Variants in PPT1 observed in about 807,000 individuals in gnomAD.
PPT1 encodes ceroid-palmitoyl-palmitoyl-protein thioesterase 1.
Under a neutral mutation model 44.0 loss-of-function variants are expected in PPT1, and 24 were observed. That is an observed-to-expected ratio of 0.54 (90% confidence interval 0.39 to 0.77). The LOEUF (loss-of-function observed/expected upper bound fraction) is 0.77, where lower values mean the gene tolerates loss of function less well. Among genes scored for constraint, PPT1 ranks in the 30% least tolerant of loss-of-function variants. The pLI is 0.00. For synonymous variants in PPT1, 148 were observed against 140.2 expected (o/e 1.06, Z -0.39); for missense variants, 341 against 378.8 (o/e 0.90, Z 0.83).
Position 40,073,029 on chromosome 1 carries a change from T to C in PPT1, c.*1032A>G, listed in dbSNP as rs2124463646. The C allele has an allele frequency of 6.6e-6, 1 of 152,390 alleles. No homozygotes were observed. Among genetic ancestry groups the C allele is most frequent in the South Asian group, 2.1e-4 (1 of 4,830 alleles). 9.4% of individuals were successfully genotyped at this position (152,390 alleles called of 1,614,324 possible). On this transcript the variant is annotated 3_prime_UTR_variant, in exon 9 of 9. Transcript: ENST00000642050. ...GTTTTGTTTACTGTAACAGGAATTC[T>C]CAGGAGTCCTTAGACACTCTAATGT... is the stretch of plus-strand genomic sequence containing the variant.
At chr1:40,072,286 A>T (rs1327560295), downstream of PPT1, 4 of 383,516 alleles carry the variant, frequency 1.0e-5, no homozygotes, top group Non-Finnish European at 1.8e-5. Context: ...CATGATTTCA[A>T]GGAGTCTGGC....
intron 1 of PPT1, 32 bp downstream of exon 1, chr1:40,097,083 G>A (rs1187228049): frequency 6.2e-7 from 1 of 1,613,776 alleles, no homozygotes; most frequent in East Asian, 2.2e-5. Context: ...AGAGAGAATC[G>A]CCAAACCCTT....
chr1:40,084,512 A>G (rs1649151862), intron 5 of PPT1, among the ~76,000 whole-genome samples: 1 of 152,246 alleles, frequency 6.6e-6, no homozygotes, highest in South Asian at 2.1e-4. Context: ...TGAAAGGAAG[A>G]GTCAACTGAT....
intron 3 of PPT1, 85 bp downstream of exon 3, chr1:40,091,960 T>C (rs1649587424): frequency 6.5e-7 from 1 of 1,531,830 alleles, no homozygotes; most frequent in African/African-American, 1.4e-5. Flanking sequence ...GTGACAATCT[T>C]GAATTGGAGG....
rs386833661 is a variant in PPT1 at position 40,078,621 on chromosome 1, A to G, written c.665T>C (p.Leu222Pro). The change falls in exon 7 of 9, where the codon CTG becomes CCG. Residue 222 changes from leucine (L) to proline (P), a missense_variant. By Grantham distance (98) the Leu-to-Pro change is moderately conservative. Transcript: ENST00000642050. ...GAATTTCACCATCACAAACTTCTTC[A>G]GGGCCATCAGGTTTTTCTTGTAGGA... ...NESYKKNLMA[L>P]KKFVMVKFLN... 3.7e-6 allele frequency: 6 copies of G among 1,613,842 alleles called. No homozygotes were observed. Among genetic ancestry groups the G allele is most frequent in the Non-Finnish European group, 5.1e-6 (6 of 1,179,878 alleles).
chr1:40,095,723 C>G (rs1158320872), intron 1 of PPT1, among the ~76,000 whole-genome samples: 1 of 152,204 alleles, frequency 6.6e-6, no homozygotes, highest in Non-Finnish European at 1.5e-5. Context: ...AACACCTCTA[C>G]TGTTACTCTA....
Position 40,091,398 on chromosome 1 carries a change from T to A in PPT1, c.364A>T (p.Arg122Trp), listed in dbSNP as rs137852695. The A allele has an allele frequency of 3.3e-4, 527 of 1,613,098 alleles. No individual in the cohort carries two copies. The highest frequency in any genetic ancestry group is 4.5e-5 in the Non-Finnish European group (53 of 1,179,290). ...GAAGGGCATCTCTGAGCCACTGCCC[T>A]CCTACGGAATAAAAGGGAGTTTTAG... ...MGFSQGGQFL[R>W]AVAQRCPSPP... Residue 122 changes from arginine to tryptophan, a missense_variant and splice_region_variant, in exon 4 of 9, where the codon AGG becomes TGG. Arg to Trp is a moderately radical substitution (Grantham distance 101). Transcript: ENST00000642050.
chr1:40,094,467 G>C (rs898396443), intron 1 of PPT1, among the ~76,000 whole-genome samples: 15 of 152,172 alleles, frequency 9.9e-5, no homozygotes, highest in African/African-American at 3.4e-4. Flanking sequence ...ACAGACCCAG[G>C]GAGTTTGGGA....
At chr1:40,094,159 G>A (rs7533203) in intron 1 of PPT1, 31,560 of 561,610 alleles carry the variant, frequency 0.056, 1,084 homozygotes, top group Non-Finnish European at 0.071. Context: ...TTCTCTTCAG[G>A]GCCAGGACTA....
chr1:40,071,595 G>C, downstream of PPT1: 2 of 1,084,112 alleles, frequency 1.8e-6, no homozygotes, highest in South Asian at 2.6e-5. Flanking sequence ...GTATCAAGAC[G>C]GTTCTTTTCT....
intron 8 of PPT1, among the ~76,000 whole-genome samples, chr1:40,074,509 T>C (rs866648461): frequency 6.7e-5 from 10 of 149,320 alleles, no homozygotes; most frequent in Non-Finnish European, 1.3e-4. Flanking sequence ...GCTCGGTTGC[T>C]TAGGCTGGAG....
chr1:40,084,839 T>C (rs1649168129), intron 5 of PPT1, among the ~76,000 whole-genome samples: 1 of 152,076 alleles, frequency 6.6e-6, no homozygotes, highest in South Asian at 2.1e-4. Flanking sequence ...CAGAAGACAA[T>C]AGTGTGAGCC....
intron 3 of PPT1, 133 bp downstream of exon 3, chr1:40,091,912 A>T: frequency 2.6e-6 from 3 of 1,151,354 alleles, no homozygotes; most frequent in Non-Finnish European, 3.7e-6. Flanking sequence ...AAAGCTTCTT[A>T]CACAGGAACA....
chr1:40,072,361 C>T (rs1648223889), downstream of PPT1: 3 of 314,188 alleles, frequency 9.5e-6, no homozygotes, highest in Admixed American at 9.9e-5. Flanking sequence ...TTTTCCCTGT[C>T]ATGCTCATCA....
At chr1:40,089,159 TG>T (rs1234192036) in intron 5 of PPT1, among the ~76,000 whole-genome samples, 1 of 151,908 alleles carries the variant, frequency 6.6e-6, no homozygotes, top group Non-Finnish European at 1.5e-5. Context: ...TAGTGGCGCA[TG>T]CCTGTAATCC....
chr1:40,087,248 ATTTTTAT>A (rs1164802180), intron 5 of PPT1, among the ~76,000 whole-genome samples: 1 of 151,726 alleles, frequency 6.6e-6, no homozygotes, highest in Admixed American at 6.6e-5. Context: ...AGTATTTTTT[ATTTTTAT>A]TTTTTGAGAC....
chr1:40,074,595 G>A (rs1648512545), intron 8 of PPT1, among the ~76,000 whole-genome samples: 2 of 151,910 alleles, frequency 1.3e-5, no homozygotes, highest in South Asian at 4.1e-4. Flanking sequence ...TGCCTCATGA[G>A]TAGCTGGAAT....
At chr1:40,090,488 G>T (rs1285680291) in intron 4 of PPT1, among the ~76,000 whole-genome samples, 1 of 152,022 alleles carries the variant, frequency 6.6e-6, no homozygotes, top group Non-Finnish European at 1.5e-5. Context: ...ACATGTGTGT[G>T]TGTATATATA....
At chr1:40,091,820 G>A (rs990516384) in intron 3 of PPT1, among the ~76,000 whole-genome samples, 6 of 150,068 alleles carry the variant, frequency 4.0e-5, no homozygotes, top group Non-Finnish European at 5.9e-5. Flanking sequence ...AGCTGAGATC[G>A]CGCCACTGCA....
Sources: allele counts gnomAD v4.1 joint callset (sites outside exome capture counted in the v4.1 genomes callset), GRCh38; gene constraint gnomAD v4.1.1; transcripts MANE v1.5; gene names NCBI Gene and HGNC (gene_info 2026-07-23, HGNC 2026-07-21).